The following PTPN22 variants were observed in gnomAD, a reference collection of about 807,000 sequenced individuals.
The protein encoded by PTPN22 is protein tyrosine phosphatase non-receptor type 22, also known as tyrosine-protein phosphatase non-receptor type 22.
A neutral mutation model predicts 103.3 loss-of-function variants in PTPN22; 85 were observed. The observed-to-expected ratio is 0.82, with a 90% CI of 0.69 to 0.99. The LOEUF is 0.99. PTPN22 is among the 50% of genes least tolerant of loss of function. PTPN22 has a pLI of 0.00. For synonymous variants in PTPN22, 323 were observed against 310.2 expected, an observed-to-expected ratio of 1.04 and a Z score of -0.43; for missense variants, 865 against 936.9, an observed-to-expected ratio of 0.92 and a Z score of 1.00.
chr1:113,831,114 G>A (rs1356925346), intron 16 of PTPN22, among the ~76,000 whole-genome samples: 1 of 152,122 alleles, frequency 6.6e-6, no homozygotes, highest in Non-Finnish European at 1.5e-5. Context: ...TTCGTTAACA[G>A]TATTCTAGTA....
chr1:113,868,371 A>G (rs1422439050), intron 1 of PTPN22, among the ~76,000 whole-genome samples: 1 of 152,170 alleles, frequency 6.6e-6, no homozygotes, highest in African/African-American at 2.4e-5. Flanking sequence ...CAAACCTCGG[A>G]AACATAAAAT....
intron 18 of PTPN22, among the ~76,000 whole-genome samples, chr1:113,825,402 A>G (rs1421263948): frequency 4.6e-5 from 7 of 152,142 alleles, no homozygotes; most frequent in Non-Finnish European, 1.0e-4. Context: ...ATATTTTGAA[A>G]TAATAGTATC....
intron 1 of PTPN22, among the ~76,000 whole-genome samples, chr1:113,869,395 T>C (rs1318811754): frequency 1.4e-5 from 1 of 71,972 alleles, no homozygotes; most frequent in Non-Finnish European, 2.4e-5. Context: ...GGATATAGTC[T>C]ACATTTTTTT....
intron 16 of PTPN22, among the ~76,000 whole-genome samples, chr1:113,832,741 T>TC (rs1370597138): frequency 6.6e-6 from 1 of 152,182 alleles, no homozygotes; most frequent in East Asian, 1.9e-4. Flanking sequence ...CAGGCAAAGC[T>TC]CAGACAAGTA....
intron 10 of PTPN22, among the ~76,000 whole-genome samples, chr1:113,848,974 AT>A (rs1234432449): frequency 6.6e-5 from 10 of 152,078 alleles, no homozygotes; most frequent in East Asian, 1.9e-4. Context: ...AAAAAAAAAA[AT>A]ATTTCATTCT....
chr1:113,815,748 G>A (rs566732978), intron 20 of PTPN22, among the ~76,000 whole-genome samples: 21 of 152,168 alleles, frequency 1.4e-4, no homozygotes, highest in African/African-American at 3.6e-4. Context: ...GCGCGATCTC[G>A]GCCCACTGCA....
chr1:113,832,975 G>A, intron 16 of PTPN22, 136 bp downstream of exon 16: 3 of 862,972 alleles, frequency 3.5e-6, no homozygotes, highest in South Asian at 1.6e-5. Context: ...GTCTGGGAAA[G>A]CCAGAAATAA....
intron 4 of PTPN22, 113 bp from the exon 5 acceptor site, chr1:113,857,889 T>TG: frequency 1.1e-6 from 1 of 922,320 alleles, no homozygotes; most frequent in Non-Finnish European, 1.6e-6. Flanking sequence ...TGTTTTGTCG[T>TG]TTTTTTTTAA....
chr1:113,859,185 T>C, intron 2 of PTPN22, 107 bp from the exon 3 acceptor site: 2 of 1,486,368 alleles, frequency 1.3e-6, no homozygotes, highest in East Asian at 2.3e-5. Context: ...AACAAGTGAG[T>C]GAATGAATGA....
chr1:113,852,806 G>C (rs1664683449), intron 9 of PTPN22, among the ~76,000 whole-genome samples: 1 of 152,222 alleles, frequency 6.6e-6, no homozygotes, highest in African/African-American at 2.4e-5. Flanking sequence ...CTGGGAGTCT[G>C]ACAAAGTAGA....
At chr1:113,853,206 G>A (rs1474197652) in intron 9 of PTPN22, among the ~76,000 whole-genome samples, 3 of 152,102 alleles carry the variant, frequency 2.0e-5, no homozygotes, top group Non-Finnish European at 4.4e-5. Context: ...CCAAAGTGCT[G>A]AGATTACAGG....
At chr1:113,847,601 C>A (rs61817629) in intron 11 of PTPN22, among the ~76,000 whole-genome samples, 2 of 144,536 alleles carry the variant, frequency 1.4e-5, no homozygotes, top group South Asian at 4.7e-4. Context: ...TTTTTTTTAA[C>A]AGAGTGTTGC....
intron 10 of PTPN22, 57 bp from the exon 11 acceptor site, chr1:113,848,683 G>A (rs1007133198): frequency 1.4e-5 from 21 of 1,500,424 alleles, no homozygotes; most frequent in African/African-American, 8.4e-5. Context: ...ATTGGTGAAC[G>A]ACAGGACCAG....
At chr1:113,833,175 T>C in intron 15 of PTPN22, 37 bp from the exon 16 acceptor site, 1 of 1,489,722 alleles carries the variant, frequency 6.7e-7, no homozygotes, top group Non-Finnish European at 9.2e-7. Context: ...GAAAGAAGAA[T>C]ATGTATACAA....
chr1:113,848,415 C>T, intron 11 of PTPN22, 125 bp downstream of exon 11: 2 of 1,303,034 alleles, frequency 1.5e-6, no homozygotes, highest in Non-Finnish European at 2.1e-6. Context: ...TCAGTGCAGC[C>T]CTATGCACAC....
intron 7 of PTPN22, among the ~76,000 whole-genome samples, chr1:113,855,821 G>A (rs558605529): frequency 9.9e-5 from 15 of 152,158 alleles, no homozygotes; most frequent in Non-Finnish European, 2.1e-4. Context: ...CCTCCAATGT[G>A]TCACAATCAT....
intron 1 of PTPN22, among the ~76,000 whole-genome samples, chr1:113,861,720 C>T (rs1304205132): frequency 6.6e-6 from 1 of 151,988 alleles, no homozygotes; most frequent in Non-Finnish European, 1.5e-5. Context: ...GCCAGACTCC[C>T]GGGCTCCAAT....
At chr1:113,836,166 A>G (rs1202305656) in intron 13 of PTPN22, among the ~76,000 whole-genome samples, 1 of 152,238 alleles carries the variant, frequency 6.6e-6, no homozygotes, top group Non-Finnish European at 1.5e-5. Flanking sequence ...TTATAGAGCA[A>G]AAGTTTTCTC....
intron 19 of PTPN22, among the ~76,000 whole-genome samples, chr1:113,822,352 G>T (rs1266697803): frequency 6.6e-6 from 1 of 152,148 alleles, no homozygotes; most frequent in Non-Finnish European, 1.5e-5. Flanking sequence ...AAAATAAATA[G>T]GAAACAGAGC....
Sources: gnomAD v4.1 joint callset for allele counts (sites outside exome capture counted in the v4.1 genomes callset) on GRCh38, gnomAD v4.1.1 for gene constraint, MANE v1.5 for transcripts, NCBI Gene and HGNC (gene_info 2026-07-23, HGNC 2026-07-21) for gene names.